Variants in SPATA6 observed in about 807,000 individuals in gnomAD.
SPATA6 encodes spermatogenesis-associated protein 6.
SPATA6 carries 56 observed loss-of-function variants against 65.3 expected under a neutral mutation model. That is an observed-to-expected ratio of 0.86 (90% confidence interval 0.69 to 1.07). SPATA6 has a LOEUF of 1.07. Ranked by LOEUF, SPATA6 falls within the 50% of genes least tolerant of loss-of-function variation. The pLI is 0.00. For missense variants in SPATA6, 590 were observed against 594.8 expected (o/e 0.99, Z 0.08); for synonymous variants, 199 against 213.2 (o/e 0.93, Z 0.58).
At chr1:48,397,355 T>A (rs753708498) in intron 7 of SPATA6, among the ~76,000 whole-genome samples, 2 of 151,748 alleles carry the variant, frequency 1.3e-5, no homozygotes, top group Non-Finnish European at 1.5e-5. Context: ...CTTACGTATA[T>A]TCTACCACAA....
At chr1:48,394,704 C>T (rs901790299) in intron 8 of SPATA6, among the ~76,000 whole-genome samples, 5 of 151,622 alleles carry the variant, frequency 3.3e-5, no homozygotes, top group African/African-American at 9.7e-5. Flanking sequence ...CTATGACTTT[C>T]TCAGTATGTA....
At chr1:48,282,030 C>T in the SPATA6 span, among the ~76,000 whole-genome samples, 4 of 152,166 alleles carry the variant, frequency 2.6e-5, no homozygotes, top group Admixed American at 1.3e-4. Context: ...AATAACGCCA[C>T]GTATCTACAA....
chr1:48,423,289 T>C (rs1027099482), intron 3 of SPATA6, among the ~76,000 whole-genome samples: 2 of 151,710 alleles, frequency 1.3e-5, no homozygotes, highest in African/African-American at 4.8e-5. Flanking sequence ...AAACCCCACC[T>C]CTACTAAAAA....
intron 11 of SPATA6, among the ~76,000 whole-genome samples, chr1:48,354,358 T>C (rs1168957019): frequency 2.0e-5 from 3 of 152,078 alleles, no homozygotes; most frequent in Admixed American, 1.3e-4. Flanking sequence ...TGAGTGTACA[T>C]TCCCTCTGAT....
intron 9 of SPATA6, among the ~76,000 whole-genome samples, chr1:48,369,277 T>G (rs1647148764): frequency 6.6e-6 from 1 of 152,158 alleles, no homozygotes; most frequent in Non-Finnish European, 1.5e-5. Flanking sequence ...AGTTCTCAGA[T>G]CTCCAGCTGC....
chr1:48,339,235 T>A (rs973159486), intron 11 of SPATA6, among the ~76,000 whole-genome samples: 2 of 152,068 alleles, frequency 1.3e-5, no homozygotes, highest in Non-Finnish European at 2.9e-5. Context: ...TATCAGGACT[T>A]TGATTAAGGT....
At chr1:48,358,354 AAAC>A (rs1465088213) in intron 10 of SPATA6, among the ~76,000 whole-genome samples, 3 of 151,886 alleles carry the variant, frequency 2.0e-5, no homozygotes, top group African/African-American at 4.8e-5. Flanking sequence ...AAGTAAATAA[AAAC>A]AAATTTATTT....
chr1:48,267,069 A>C, the SPATA6 span, among the ~76,000 whole-genome samples: 1 of 151,718 alleles, frequency 6.6e-6, no homozygotes, highest in Non-Finnish European at 1.5e-5. Flanking sequence ...TGAGCTATAT[A>C]ATAATAATAA....
At chr1:48,426,877 AGAT>A (rs1653885005) in intron 3 of SPATA6, among the ~76,000 whole-genome samples, 1 of 152,104 alleles carries the variant, frequency 6.6e-6, no homozygotes, top group African/African-American at 2.4e-5. Context: ...CATAGATGTA[AGAT>A]GATATAAATC....
At chr1:48,283,076 C>G in the SPATA6 span, among the ~76,000 whole-genome samples, 1 of 150,866 alleles carries the variant, frequency 6.6e-6, no homozygotes, top group Non-Finnish European at 1.5e-5. Flanking sequence ...AGTAAACTAT[C>G]GCAAGAACAA....
intron 9 of SPATA6, among the ~76,000 whole-genome samples, chr1:48,371,742 G>A (rs1647308043): frequency 2.6e-5 from 4 of 152,158 alleles, no homozygotes; most frequent in African/African-American, 7.2e-5. Context: ...AGACACACAC[G>A]AGACTGGGAA....
At chr1:48,267,918 A>AT in the SPATA6 span, among the ~76,000 whole-genome samples, 2 of 151,408 alleles carry the variant, frequency 1.3e-5, no homozygotes, top group African/African-American at 2.4e-5. Flanking sequence ...CGCTTGGCTA[A>AT]TTTTTTGTAT....
intron 1 of SPATA6, among the ~76,000 whole-genome samples, chr1:48,466,508 T>G (rs1354740287): frequency 6.6e-6 from 1 of 151,734 alleles, no homozygotes; most frequent in Non-Finnish European, 1.5e-5. Context: ...TTAAGGAAGG[T>G]AGGGAGGAAA....
At chr1:48,355,137 T>C (rs909162822) in intron 11 of SPATA6, among the ~76,000 whole-genome samples, 1 of 152,164 alleles carries the variant, frequency 6.6e-6, no homozygotes, top group African/African-American at 2.4e-5. Flanking sequence ...CTGTCATTTA[T>C]ATGAATGCTT....
At chr1:48,374,584 T>TC (rs1354734620) in intron 9 of SPATA6, among the ~76,000 whole-genome samples, 1 of 152,118 alleles carries the variant, frequency 6.6e-6, no homozygotes, top group Non-Finnish European at 1.5e-5. Context: ...TTCAAGACCT[T>TC]CCCATAAATC....
intron 1 of SPATA6, among the ~76,000 whole-genome samples, chr1:48,471,387 G>C (rs1268515513): frequency 6.6e-6 from 1 of 152,204 alleles, no homozygotes; most frequent in Non-Finnish European, 1.5e-5. Context: ...GGTTTTTCCT[G>C]TAAGGCCCTG....
intron 11 of SPATA6, among the ~76,000 whole-genome samples, chr1:48,311,022 A>C (rs887968532): frequency 2.0e-5 from 3 of 152,162 alleles, no homozygotes; most frequent in Non-Finnish European, 4.4e-5. Context: ...AAAATGCTTC[A>C]AGAGAAATTT....
At chr1:48,432,264 G>A (rs1173627825) in intron 3 of SPATA6, among the ~76,000 whole-genome samples, 1 of 151,918 alleles carries the variant, frequency 6.6e-6, no homozygotes, top group East Asian at 1.9e-4. Flanking sequence ...CACAACCAAG[G>A]CAAAAGCAAT....
In SPATA6 at chr1:48,359,584, A is replaced by C; in HGVS notation, c.1094+2T>G. The C allele has an allele frequency of 6.2e-7, 1 of 1,612,474 alleles. No homozygotes were observed. Among genetic ancestry groups the C allele is most frequent in the Non-Finnish European group, 8.5e-7 (1 of 1,178,946 alleles). Reference sequence around the variant, plus strand: ...ACAGAAATGAAGACCGCACATAATTACCTTTCCCTGAGAGAAGCTCTATTT... The same window carrying C: ...ACAGAAATGAAGACCGCACATAATTCCCTTTCCCTGAGAGAAGCTCTATTT... On this transcript the variant is annotated splice_donor_variant, in intron 10 of 12. Coordinates refer to ENST00000371847, the MANE Select transcript of SPATA6 (RefSeq NM_019073.4). LOFTEE classifies it high-confidence loss of function.
Sources: gnomAD v4.1 joint callset for allele counts (sites outside exome capture counted in the v4.1 genomes callset) on GRCh38, gnomAD v4.1.1 for gene constraint, MANE v1.5 for transcripts, NCBI Gene and HGNC (gene_info 2026-07-23, HGNC 2026-07-21) for gene names.